AUTS2: variants seen among roughly 807,000 people sequenced by gnomAD.
AUTS2 encodes the protein activator of transcription and developmental regulator AUTS2, also known as autism susceptibility gene 2 protein.
In AUTS2, 17 loss-of-function variants were observed where a neutral mutation model predicts 112.4. The ratio of observed to expected loss-of-function variants is 0.15; its 90% CI spans 0.10 to 0.23. The LOEUF (loss-of-function observed/expected upper bound fraction) is 0.23, where lower values mean the gene tolerates loss of function less well. AUTS2 is among the 10% of genes least tolerant of loss of function. The pLI, the probability that AUTS2 is intolerant of heterozygous loss-of-function variation, is 1.00. For synonymous variants in AUTS2, 751 were observed against 702.7 expected (o/e 1.07, Z -1.09); for missense variants, 1,510 against 1,701.6 (o/e 0.89, Z 1.98).
At chr7:69,809,060 C>T (rs1790429491) in intron 1 of AUTS2, among the ~76,000 whole-genome samples, 1 of 151,936 alleles carries the variant, frequency 6.6e-6, no homozygotes, top group African/African-American at 2.4e-5. Context: ...GCCTCATTCC[C>T]CATCATAGAC....
At chr7:70,406,265 C>G (rs1362212572) in intron 4 of AUTS2, among the ~76,000 whole-genome samples, 1 of 152,146 alleles carries the variant, frequency 6.6e-6, no homozygotes, top group African/African-American at 2.4e-5. Context: ...AGAGGCTTCC[C>G]CCTGTTTCCC....
Position 70,286,926 on chromosome 7 carries a change from G to C in AUTS2, c.661-148826G>C, listed in dbSNP as rs557120243. Among the ~76,000 whole-genome samples, 5 of 152,234 alleles carry C rather than the reference G, an allele frequency of 3.3e-5. No individual in the cohort carries two copies. In the East Asian group the frequency reaches 9.6e-4, roughly 29 times the overall value. On this transcript the variant is annotated intron_variant, in intron 4 of 18. Transcript: ENST00000342771. ...TTTGCTGAACGGAACTTTGATCATA[G>C]GGGTCTCTTTCTAAGGCAACGTATT...
intron 3 of AUTS2, 26 bp from the exon 4 acceptor site, chr7:70,134,510 A>G: frequency 1.2e-6 from 2 of 1,612,656 alleles, no homozygotes; most frequent in South Asian, 1.1e-5. Flanking sequence ...CTGATTTTCC[A>G]CTTTTGTCTT....
chr7:70,602,744 G>A (rs1317041738), intron 5 of AUTS2, among the ~76,000 whole-genome samples: 2 of 152,306 alleles, frequency 1.3e-5, no homozygotes, highest in East Asian at 3.9e-4. Context: ...ACACAAAACT[G>A]TGGCAATGCA....
intron 5 of AUTS2, among the ~76,000 whole-genome samples, chr7:70,519,807 G>A (rs1311965373): frequency 1.3e-5 from 2 of 152,142 alleles, no homozygotes; most frequent in East Asian, 1.9e-4. Flanking sequence ...AATATGAGCA[G>A]CTTCTACTTG....
chr7:70,757,491 G>A (rs770545308), intron 6 of AUTS2, among the ~76,000 whole-genome samples: 26 of 152,132 alleles, frequency 1.7e-4, no homozygotes, highest in Non-Finnish European at 3.4e-4. Context: ...GTTTCTTAAA[G>A]GTTTGGCCAA....
intron 1 of AUTS2, among the ~76,000 whole-genome samples, chr7:69,618,309 C>T (rs540283855): frequency 1.1e-4 from 16 of 152,332 alleles, no homozygotes; most frequent in African/African-American, 3.1e-4. Flanking sequence ...CAACCCACTT[C>T]TGTGACTCCA....
At chr7:70,604,724 T>A (rs1803643819) in intron 5 of AUTS2, among the ~76,000 whole-genome samples, 1 of 152,124 alleles carries the variant, frequency 6.6e-6, no homozygotes, top group Non-Finnish European at 1.5e-5. Flanking sequence ...ACCGAACCAC[T>A]CAGACCACCA....
In AUTS2 at chr7:69,795,786, T is replaced by C. The variant is rs564687805; in HGVS notation, c.310-103500T>C. Among the ~76,000 whole-genome samples the C allele has an allele frequency of 4.6e-5, 7 of 152,298 alleles. No individual in the cohort carries two copies. In the East Asian group the frequency reaches 1.4e-3, roughly 29 times the overall value. On this transcript the variant is annotated intron_variant, in intron 1 of 18. Transcript: ENST00000342771. ...TCTTCATCCTTGATGAGAGGAGAGC[T>C]TGTTATGTATGTACCATTGCTGGGT...
intron 4 of AUTS2, among the ~76,000 whole-genome samples, chr7:70,377,390 C>A (rs1793159356): frequency 1.9e-5 from 2 of 103,462 alleles, no homozygotes; most frequent in Non-Finnish European, 4.0e-5. Flanking sequence ...ATATATATCG[C>A]AATAAAAATG....
In AUTS2 at chr7:69,901,967, A is replaced by G. The variant is rs573533320; in HGVS notation, c.522+2469A>G. Reference sequence around the variant, plus strand: ...TTAAATTTATGAATAACACAAATACAGTGTTGTAAAGGTCTGTAAAGGAGT... The same window carrying G: ...TTAAATTTATGAATAACACAAATACGGTGTTGTAAAGGTCTGTAAAGGAGT... On this transcript the variant is annotated intron_variant, in intron 2 of 18. Transcript: ENST00000342771. 2.6e-5 allele frequency among the ~76,000 whole-genome samples: 4 copies of G among 152,294 alleles called. No homozygotes were observed. In the East Asian group the frequency reaches 7.7e-4, roughly 29 times the overall value.
intron 2 of AUTS2, among the ~76,000 whole-genome samples, chr7:70,063,451 C>G (rs1446420447): frequency 6.6e-6 from 1 of 152,156 alleles, no homozygotes; most frequent in Non-Finnish European, 1.5e-5. Context: ...AGAATCCCAG[C>G]TTTCTCGTAT....
intron 1 of AUTS2, among the ~76,000 whole-genome samples, chr7:69,807,209 A>G (rs1027268410): frequency 6.6e-6 from 1 of 152,194 alleles, no homozygotes; most frequent in Non-Finnish European, 1.5e-5. Context: ...ATCATGCCAA[A>G]TTGGAAACAT....
At chr7:70,622,190 G>A (rs1330262348) in intron 5 of AUTS2, among the ~76,000 whole-genome samples, 5 of 151,950 alleles carry the variant, frequency 3.3e-5, no homozygotes, top group African/African-American at 1.2e-4. Context: ...GGCTATTCTT[G>A]GAGCGGAGAT....
At chr7:69,846,273 C>G (rs1427520284) in intron 1 of AUTS2, among the ~76,000 whole-genome samples, 2 of 152,170 alleles carry the variant, frequency 1.3e-5, no homozygotes, top group Non-Finnish European at 2.9e-5. Context: ...TAATGCAAGC[C>G]AAGACCACAT....
intron 1 of AUTS2, among the ~76,000 whole-genome samples, chr7:69,743,410 G>A (rs755229174): frequency 4.6e-5 from 7 of 152,188 alleles, no homozygotes; most frequent in South Asian, 2.1e-4. Context: ...GTCCCAGGGC[G>A]TGTGTATTAA....
chr7:70,663,438 AG>A (rs1305844035), intron 5 of AUTS2, among the ~76,000 whole-genome samples: 2 of 152,190 alleles, frequency 1.3e-5, no homozygotes, highest in Non-Finnish European at 1.5e-5. Context: ...TCCTATAGCA[AG>A]TGGAGCCCCA....
chr7:69,620,292 T>G (rs1322106062), intron 1 of AUTS2, among the ~76,000 whole-genome samples: 2 of 152,222 alleles, frequency 1.3e-5, no homozygotes, highest in Non-Finnish European at 2.9e-5. Context: ...TCAGGTTACC[T>G]TCATTGAAAA....
intron 5 of AUTS2, among the ~76,000 whole-genome samples, chr7:70,672,973 G>T (rs1807724566): frequency 6.6e-6 from 1 of 152,186 alleles, no homozygotes; most frequent in South Asian, 2.1e-4. Context: ...ATTCATAGAA[G>T]AATAAGATAG....
Sources: gnomAD v4.1 joint callset for allele counts (sites outside exome capture counted in the v4.1 genomes callset) on GRCh38, gnomAD v4.1.1 for gene constraint, MANE v1.5 for transcripts, NCBI Gene and HGNC (gene_info 2026-07-23, HGNC 2026-07-21) for gene names.